TENM2: variants seen among roughly 807,000 people sequenced by gnomAD.
The protein encoded by TENM2 is teneurin-2.
In TENM2, 52 loss-of-function variants were observed where a neutral mutation model predicts 245.2. The observed-to-expected ratio is 0.21, with a 90% CI of 0.17 to 0.27. The LOEUF (loss-of-function observed/expected upper bound fraction) is 0.27. TENM2 is among the 10% of genes least tolerant of loss of function. TENM2 has a pLI of 1.00. For missense variants in TENM2, 3,046 were observed against 3,666.8 expected (o/e 0.83, Z 4.37); for synonymous variants, 1,363 against 1,438.9 (o/e 0.95, Z 1.19).
rs1471346252 is a variant in TENM2 at position 167,815,973 on chromosome 5, TG to T, written c.503-60012del. On this transcript the variant is annotated intron_variant, in intron 2 of 28. Coordinates refer to ENST00000518659, the Ensembl canonical transcript of TENM2. ...TCACTTAAGTCCCATTATGATCCTTTGTGTGTGTGTGTGTGTGTGTGTGTGT... is the reference window on the plus strand; with the variant it reads ...TCACTTAAGTCCCATTATGATCCTTTTGTGTGTGTGTGTGTGTGTGTGTGT... Among the ~76,000 whole-genome samples the T allele has an allele frequency of 7.9e-4, 29 of 36,664 alleles. No homozygotes were observed. In the Admixed American group the frequency reaches 9.4e-3, roughly 12 times the overall value. The allele number at this position is 36,664 out of a possible 152,430, so 24.1% of individuals were successfully genotyped here.
At chr5:167,552,829 G>T (rs1269047526) in intron 2 of TENM2, among the ~76,000 whole-genome samples, 1 of 152,198 alleles carries the variant, frequency 6.6e-6, no homozygotes. Flanking sequence ...CCTCATGGTT[G>T]CATGAACTTT....
chr5:167,635,909 A>T (rs279390), intron 2 of TENM2, among the ~76,000 whole-genome samples: 1 of 148,846 alleles, frequency 6.7e-6, no homozygotes, highest in African/African-American at 2.5e-5. Flanking sequence ...CTCCCAAAGC[A>T]CTGGGATTAC....
the TENM2 span, among the ~76,000 whole-genome samples, chr5:167,000,908 A>G: frequency 6.6e-6 from 1 of 152,086 alleles, no homozygotes; most frequent in East Asian, 1.9e-4. Context: ...AGGAAGAGTA[A>G]GTTGTTGTAT....
intron 2 of TENM2, among the ~76,000 whole-genome samples, chr5:167,789,468 A>T (rs2150885524): frequency 6.6e-6 from 1 of 152,332 alleles, no homozygotes; most frequent in East Asian, 1.9e-4. Context: ...GAAGGAGTGG[A>T]TTCCAACATT....
intron 2 of TENM2, among the ~76,000 whole-genome samples, chr5:167,734,881 C>T (rs1582871894): frequency 1.3e-5 from 2 of 149,058 alleles, no homozygotes; most frequent in South Asian, 2.2e-4. Flanking sequence ...TTTCTCCACG[C>T]TCTACACATG....
intron 2 of TENM2, among the ~76,000 whole-genome samples, chr5:167,786,797 G>C (rs984319108): frequency 6.6e-6 from 1 of 152,190 alleles, no homozygotes; most frequent in Non-Finnish European, 1.5e-5. Context: ...TAGCACATAG[G>C]GGTTTGGACT....
intron 2 of TENM2, among the ~76,000 whole-genome samples, chr5:167,863,680 G>A (rs542766175): frequency 1.4e-4 from 22 of 152,176 alleles, no homozygotes; most frequent in South Asian, 8.3e-4. Flanking sequence ...TACTGGTGCT[G>A]TTATGTCATA....
chr5:167,240,269 T>G, the TENM2 span, among the ~76,000 whole-genome samples: 114 of 152,140 alleles, frequency 7.5e-4, no homozygotes, highest in African/African-American at 2.5e-3. Context: ...TTTTTTTTTT[T>G]TGCTCTGTTT....
the TENM2 span, among the ~76,000 whole-genome samples, chr5:167,193,462 G>A: frequency 8.4e-5 from 12 of 142,332 alleles, no homozygotes; most frequent in African/African-American, 2.5e-4. Context: ...GCAGCCTGGG[G>A]AATCTCTCCA....
the TENM2 span, among the ~76,000 whole-genome samples, chr5:167,107,502 A>T: frequency 6.6e-6 from 1 of 152,164 alleles, no homozygotes; most frequent in East Asian, 1.9e-4. Context: ...TATTTCTATG[A>T]TTGGTATGAT....
Position 167,445,336 on chromosome 5 carries a change from T to C in TENM2, c.502+69863T>C, listed in dbSNP as rs7712523. On this transcript the variant is annotated intron_variant, in intron 2 of 28. Coordinates refer to ENST00000518659, the Ensembl canonical transcript of TENM2. The stretch of plus-strand genomic sequence containing the variant: ...TTATATATATATATATATATATATA[T>C]AGAGAGAGAGAGAGAGAGAGAGAGA... 9.6e-4 allele frequency among the ~76,000 whole-genome samples: 74 copies of C among 77,310 alleles called. 2 individuals are homozygous for C. The highest frequency in any genetic ancestry group is 1.6e-3 in the Non-Finnish European group (67 of 41,164). The allele number at this position is 77,310 out of a possible 152,430, so 50.7% of individuals were successfully genotyped here. A position where few individuals can be genotyped will look rare whatever the true frequency, so the allele number is the denominator to read the frequency against.
chr5:168,221,100 A>G (rs758575670), intron 23 of TENM2, among the ~76,000 whole-genome samples: 3 of 150,668 alleles, frequency 2.0e-5, no homozygotes, highest in Non-Finnish European at 4.4e-5. Context: ...CGACAGAGCA[A>G]CACTCTGTCT....
the TENM2 span, among the ~76,000 whole-genome samples, chr5:167,171,893 G>C: frequency 6.6e-6 from 1 of 152,300 alleles, no homozygotes; most frequent in East Asian, 1.9e-4. Flanking sequence ...GTGGGGAATG[G>C]ATCTAGGGGA....
intron 13 of TENM2, among the ~76,000 whole-genome samples, chr5:168,185,800 A>G (rs1194852275): frequency 6.8e-6 from 1 of 147,476 alleles, no homozygotes; most frequent in Non-Finnish European, 1.5e-5. Flanking sequence ...AATATAAGGG[A>G]ATATTAATTT....
chr5:168,118,313 G>A, exon 10 of TENM2: 1 of 1,601,866 alleles, frequency 6.2e-7, no homozygotes, highest in Non-Finnish European at 8.5e-7. Flanking sequence ...GTCCTGTGCA[G>A]TGGGAATGGA....
intron 4 of TENM2, among the ~76,000 whole-genome samples, chr5:167,955,332 A>C (rs1780465502): frequency 6.6e-6 from 1 of 151,462 alleles, no homozygotes; most frequent in South Asian, 2.1e-4. Flanking sequence ...TTTTCTTGTA[A>C]ATTTGTTTAA....
chr5:167,724,116 C>G (rs1477118534), intron 2 of TENM2, among the ~76,000 whole-genome samples: 1 of 152,174 alleles, frequency 6.6e-6, no homozygotes, highest in Non-Finnish European at 1.5e-5. Context: ...TTTGCCCATT[C>G]TTGTCTTATA....
At chr5:167,614,244 A>C (rs73382932) in intron 2 of TENM2, among the ~76,000 whole-genome samples, 8,715 of 152,230 alleles carry the variant, frequency 0.057, 454 homozygotes, top group East Asian at 0.16. Context: ...TAATTCAAAA[A>C]ATGTATGAAC....
chr5:167,258,455 A>C, the TENM2 span, among the ~76,000 whole-genome samples: 148 of 152,178 alleles, frequency 9.7e-4, no homozygotes, highest in African/African-American at 3.5e-3. Context: ...CTCCCACAGG[A>C]ACCATCCTTG....
Sources: gnomAD v4.1 joint callset for allele counts (sites outside exome capture counted in the v4.1 genomes callset) on GRCh38, gnomAD v4.1.1 for gene constraint, MANE v1.5 for transcripts, NCBI Gene and HGNC (gene_info 2026-07-23, HGNC 2026-07-21) for gene names.